Variants in ATAD3B observed in about 807,000 individuals in gnomAD.
ATAD3B encodes the protein ATPase family AAA domain containing 3B, also known as ATPase family AAA domain-containing protein 3B.
In ATAD3B, 59 loss-of-function variants were observed where a neutral mutation model predicts 70.2. That is an observed-to-expected ratio of 0.84 (90% CI 0.68 to 1.04). The LOEUF (loss-of-function observed/expected upper bound fraction) is 1.04. ATAD3B is among the 50% of genes least tolerant of loss of function. The pLI is 0.00. For synonymous variants in ATAD3B, 423 were observed against 388.6 expected (o/e 1.09, Z -1.04); for missense variants, 961 against 913.4 (o/e 1.05, Z -0.67).
chr1:1,487,248 C>T (rs533050554), intron 11 of ATAD3B, among the ~76,000 whole-genome samples: 2 of 151,860 alleles, frequency 1.3e-5, no homozygotes, highest in East Asian at 3.9e-4. Flanking sequence ...CCCAGACTTT[C>T]GGAGGCGGAG....
At chr1:1,504,245 C>A in the ATAD3B span, among the ~76,000 whole-genome samples, 1 of 151,956 alleles carries the variant, frequency 6.6e-6, no homozygotes, top group South Asian at 2.1e-4. Context: ...CTCGGCCTCC[C>A]AAAATGTTGA....
At chr1:1,474,191 T>A (rs528082696) in intron 1 of ATAD3B, among the ~76,000 whole-genome samples, 2 of 126,902 alleles carry the variant, frequency 1.6e-5, no homozygotes, top group Admixed American at 7.4e-5. Flanking sequence ...CTTTTTTCTT[T>A]TCTTTTTTTC....
the ATAD3B span, among the ~76,000 whole-genome samples, chr1:1,507,046 C>T: frequency 6.6e-6 from 1 of 152,190 alleles, no homozygotes; most frequent in Non-Finnish European, 1.5e-5. Flanking sequence ...TTCAGCCTCC[C>T]AAAGTGCTGG....
At chr1:1,503,236 AAAAGT>A in the ATAD3B span, 3 of 195,030 alleles carry the variant, frequency 1.5e-5, no homozygotes, top group Non-Finnish European at 3.2e-5. Flanking sequence ...AAAAAAAAAA[AAAAGT>A]AAAAGCATAT....
intron 2 of ATAD3B, chr1:1,478,186 G>A (rs2100533788): frequency 3.3e-6 from 1 of 304,236 alleles, no homozygotes; most frequent in East Asian, 6.8e-5. Flanking sequence ...TAGTAGAGAA[G>A]GGGGTTCAGC....
downstream of ATAD3B, among the ~76,000 whole-genome samples, chr1:1,499,429 G>A (rs1424758432): frequency 7.3e-5 from 11 of 150,218 alleles, 1 homozygote; most frequent in East Asian, 2.1e-3. Flanking sequence ...TAGAGAGGGG[G>A]TTATACCATG....
At chr1:1,505,570 T>C in the ATAD3B span, among the ~76,000 whole-genome samples, 1 of 152,130 alleles carries the variant, frequency 6.6e-6, no homozygotes, top group African/African-American at 2.4e-5. Context: ...CCCTTGACAC[T>C]GACGCTACCG....
In ATAD3B at chr1:1,479,195, G is replaced by A; in HGVS notation, c.444+87G>A. The A allele has an allele frequency of 5.7e-6, 8 of 1,415,628 alleles. 1 individual carries two copies. Among genetic ancestry groups the A allele is most frequent in the Middle Eastern group, 2.2e-4 (1 of 4,622 alleles). 87.7% of individuals were successfully genotyped at this position (1,415,628 alleles called of 1,614,324 possible). A position where few individuals can be genotyped will look rare whatever the true frequency, so the allele number is the denominator to read the frequency against. Reference sequence around the variant, plus strand: ...CCAGTCAGTGGGTCAGAGGCCACGGGGCAAGAACGATGGGGTTGCTGACGG... The same window carrying A: ...CCAGTCAGTGGGTCAGAGGCCACGGAGCAAGAACGATGGGGTTGCTGACGG... On this transcript the variant is annotated intron_variant, in intron 4 of 15. Transcript: ENST00000673477.
chr1:1,502,506 CAT>C (rs1640966897), downstream of ATAD3B, among the ~76,000 whole-genome samples: 4 of 113,732 alleles, frequency 3.5e-5, 1 homozygote, highest in African/African-American at 1.8e-4. Flanking sequence ...CCGTGCCCAG[CAT>C]TTTTTTTTTT....
chr1:1,486,743 G>T (rs1420929808), intron 11 of ATAD3B, 75 bp downstream of exon 11: 1 of 1,485,478 alleles, frequency 6.7e-7, no homozygotes, highest in African/African-American at 1.4e-5. Context: ...GGGGGTCCAG[G>T]TGTCTCTTGG....
chr1:1,488,419 A>G (rs1247408467), intron 12 of ATAD3B, among the ~76,000 whole-genome samples: 2 of 151,948 alleles, frequency 1.3e-5, no homozygotes, highest in African/African-American at 4.8e-5. Context: ...GTAGAGATGG[A>G]GTTTCCCACA....
the ATAD3B span, among the ~76,000 whole-genome samples, chr1:1,504,378 G>A: frequency 6.6e-6 from 1 of 151,962 alleles, no homozygotes; most frequent in East Asian, 1.9e-4. Context: ...GGCCAGGTGC[G>A]GTGGCTCACA....
intron 7 of ATAD3B, 55 bp downstream of exon 7, chr1:1,482,669 G>A (rs746361973): frequency 6.2e-7 from 1 of 1,610,856 alleles, no homozygotes; most frequent in Admixed American, 1.7e-5. Flanking sequence ...GCATGTGGGG[G>A]CCTCCTGGAG....
downstream of ATAD3B, among the ~76,000 whole-genome samples, chr1:1,501,121 C>G (rs940692537): frequency 2.6e-5 from 4 of 152,118 alleles, no homozygotes; most frequent in Admixed American, 2.0e-4. Flanking sequence ...TGGAGTCTTA[C>G]TCTGTCGCCC....
intron 15 of ATAD3B, among the ~76,000 whole-genome samples, chr1:1,493,812 A>G (rs928745771): frequency 3.3e-5 from 5 of 151,954 alleles, no homozygotes; most frequent in Middle Eastern, 3.4e-3. Flanking sequence ...CTATACTGCT[A>G]AATTCGTTTT....
In ATAD3B at chr1:1,497,830, C is replaced by T. The variant is rs1412909922; in HGVS notation, c.*2013C>T. ...GCAGTGAGCCGAGATCACGCCACTGCACTCCGGCCTGGGCAACAGAACTGT... is the reference window on the plus strand; with the variant it reads ...GCAGTGAGCCGAGATCACGCCACTGTACTCCGGCCTGGGCAACAGAACTGT... On this transcript the variant is annotated 3_prime_UTR_variant, in exon 16 of 16. Transcript: ENST00000673477. The T allele has an allele frequency of 6.7e-6, 1 of 148,558 alleles. No homozygotes were observed. The highest frequency in any genetic ancestry group is 2.0e-4 in the East Asian group (1 of 5,038). 9.2% of individuals were successfully genotyped at this position (148,558 alleles called of 1,614,324 possible).
chr1:1,471,962 G>A lies in ATAD3B; in HGVS notation c.78G>A (p.Gln26=). ...AGPPPPLPPA[Q]PGAEGGGDRG... ...CGCCGCCGCCTTTGCCGCCCGCGCA[G>A]CCCGGGGCCGAGGGCGGCGGGGACC... Residue 26 remains glutamine, a synonymous_variant, in exon 1 of 16, where the codon CAG becomes CAA. Transcript: ENST00000673477. The A allele has an allele frequency of 2.4e-6, 3 of 1,241,938 alleles. No homozygotes were observed. The highest frequency in any genetic ancestry group is 3.0e-6 in the Non-Finnish European group (3 of 989,442). The allele number at this position is 1,241,938 out of a possible 1,614,324, so 76.9% of individuals were successfully genotyped here. A position where few individuals can be genotyped will look rare whatever the true frequency, so the allele number is the denominator to read the frequency against.
At chr1:1,508,561 C>T in the ATAD3B span, among the ~76,000 whole-genome samples, 13 of 151,564 alleles carry the variant, frequency 8.6e-5, no homozygotes, top group South Asian at 2.3e-3. Context: ...CCCTGACCCA[C>T]GGGTGACTCC....
rs200307284 is a variant in ATAD3B at position 1,486,526 on chromosome 1, C to G, written c.1090-18C>G. On this transcript the variant is annotated intron_variant, in intron 10 of 15. Transcript: ENST00000673477. ...AGAGGGAACATCTGTTCTGTCTCCC[C>G]TCACTCTTCTTGTCCAGAAACTCGC... The G allele has an allele frequency of 6.2e-7, 1 of 1,612,074 alleles. No homozygotes were observed. Among genetic ancestry groups the G allele is most frequent in the Non-Finnish European group, 8.5e-7 (1 of 1,179,478 alleles).
Sources: gnomAD v4.1 joint callset for allele counts (sites outside exome capture counted in the v4.1 genomes callset) on GRCh38, gnomAD v4.1.1 for gene constraint, MANE v1.5 for transcripts, NCBI Gene and HGNC (gene_info 2026-07-23, HGNC 2026-07-21) for gene names.